The following GOLGB1 variants were observed in gnomAD, a reference collection of about 807,000 sequenced individuals.
GOLGB1 encodes golgin B1.
In GOLGB1, 174 loss-of-function variants were observed where a neutral mutation model predicts 336.9. The ratio of observed to expected loss-of-function variants is 0.52; its 90% CI spans 0.46 to 0.59. The LOEUF (loss-of-function observed/expected upper bound fraction) is 0.59. Ranked by LOEUF, GOLGB1 falls within the 20% of genes least tolerant of loss-of-function variation. GOLGB1 has a pLI of 0.00. For missense variants in GOLGB1, 3,331 were observed against 3,645.3 expected, an observed-to-expected ratio of 0.91 and a Z score of 2.22; for synonymous variants, 1,208 against 1,289.2, an observed-to-expected ratio of 0.94 and a Z score of 1.35.
Position 121,691,570 on chromosome 3 carries a change from T to C in GOLGB1, c.7794A>G (p.Leu2598=), listed in dbSNP as rs114015870. ...NEDLRRSFNA[L]QEEKQDLSKE... is the part of the protein sequence containing the mutation. ...TAGATAAATCTTGTTTCTCTTCTTG[T>C]AGGGCATTAAAGGACCTCCGCAGAT... The change falls in exon 14 of 22, where the codon CTA becomes CTG. Residue 2598 remains leucine, a synonymous_variant. Coordinates refer to ENST00000614479, the MANE Select transcript of GOLGB1 (RefSeq NM_001366282.2). 1.9e-6 allele frequency: 3 copies of C among 1,613,628 alleles called. No individual in the cohort carries two copies. Among genetic ancestry groups the C allele is most frequent in the African/African-American group, 2.7e-5 (2 of 74,994 alleles).
In GOLGB1 at chr3:121,696,459, C is replaced by A. The variant is rs2107842450; in HGVS notation, c.4064G>T (p.Gly1355Val). Residue 1355 changes from glycine to valine, a missense_variant, in exon 13 of 22, where the codon GGT becomes GTT. Transcript: ENST00000614479. ...TGTCTTTAGACTCTCGATTTCTAAA[C>A]CCTGTTTATTTATCTGCTCTTGTAA... ...FQLQEQINKQGLEIESLKTVS... is the reference protein window; with the variant it reads ...FQLQEQINKQVLEIESLKTVS... 1 of 1,613,978 alleles carries A rather than the reference C, an allele frequency of 6.2e-7. No individual in the cohort carries two copies.
intron 5 of GOLGB1, 127 bp downstream of exon 5, chr3:121,726,786 G>T: frequency 1.8e-6 from 1 of 540,556 alleles, no homozygotes; most frequent in Non-Finnish European, 3.1e-6. Context: ...ATGAAGAAAA[G>T]AAGGAGACTG....
chr3:121,729,921 T>C lies in GOLGB1; in HGVS notation c.193A>G (p.Lys65Glu), dbSNP rs777012085. Residue 65 changes from lysine (K) to glutamate (E), a missense_variant, in exon 3 of 22, where the codon AAA (lysine) becomes GAA (glutamate). Physicochemically the swap from Lys to Glu is moderately conservative, Grantham distance 56. Coordinates refer to ENST00000614479, the MANE Select transcript of GOLGB1 (RefSeq NM_001366282.2). ...AYAEQLVVEL[K>E]DIIRQKDVQL... ...ACATCCTTCTGTCTAATAATATCTTTTAGCTCCACCACCAATTGCTCTGCA... is the reference window on the plus strand; with the variant it reads ...ACATCCTTCTGTCTAATAATATCTTCTAGCTCCACCACCAATTGCTCTGCA... The C allele has an allele frequency of 6.2e-7, 1 of 1,611,788 alleles. No individual in the cohort carries two copies. Among genetic ancestry groups the C allele is most frequent in the South Asian group, 1.1e-5 (1 of 91,022 alleles).
At position 121,664,487 on chromosome 3, in the gene GOLGB1, T is replaced by C; in HGVS notation, c.9788A>G (p.His3263Arg). 4 of 1,613,754 alleles carry C rather than the reference T, an allele frequency of 2.5e-6. No homozygotes were observed. The highest frequency in any genetic ancestry group is 3.4e-6 in the Non-Finnish European group (4 of 1,179,728). ...AAAGAGTAACAACTAAGTCTATAGATGGCCCGTAAAACACAGAATGAGCAG... is the reference window on the plus strand; with the variant it reads ...AAAGAGTAACAACTAAGTCTATAGACGGCCCGTAAAACACAGAATGAGCAG... ...HVLLILCFTG[H>R]L Residue 3263 changes from histidine to arginine, a missense_variant, in exon 22 of 22, where the codon CAT becomes CGT. Coordinates refer to ENST00000614479, the MANE Select transcript of GOLGB1 (RefSeq NM_001366282.2).
At position 121,714,879 on chromosome 3, in the gene GOLGB1, A is replaced by G. The variant is rs1944633282; in HGVS notation, c.1386T>C (p.Val462=). The change falls in exon 10 of 22, where the codon GTT becomes GTC. Residue 462 remains valine, a synonymous_variant. Transcript: ENST00000614479. The part of the protein sequence containing the change: ...ETASQTSFPD[V]YNEGTQAVTE... ...TAATTACCTGTGTGCCCTCATTATAAACATCTGGGAAAGAAGTCTGAGATG... is the reference window on the plus strand; with the variant it reads ...TAATTACCTGTGTGCCCTCATTATAGACATCTGGGAAAGAAGTCTGAGATG... The G allele has an allele frequency of 1.2e-6, 2 of 1,601,330 alleles. No individual in the cohort carries two copies. The highest frequency in any genetic ancestry group is 3.3e-5 in the Admixed American group (2 of 59,978).
chr3:121,730,234 T>C, intron 2 of GOLGB1: 1 of 401,482 alleles, frequency 2.5e-6, no homozygotes, highest in East Asian at 4.0e-5. Flanking sequence ...CCATTTAAGG[T>C]ATTATTATCC....
At chr3:121,712,548 T>C (rs1453281740) in intron 10 of GOLGB1, among the ~76,000 whole-genome samples, 1 of 152,122 alleles carries the variant, frequency 6.6e-6, no homozygotes, top group African/African-American at 2.4e-5. Context: ...GGAGAAAATA[T>C]TCACCAAACA....
At chr3:121,731,004 A>C (rs767675386) in intron 1 of GOLGB1, 31 bp from the exon 2 acceptor site, 4 of 1,599,840 alleles carry the variant, frequency 2.5e-6, no homozygotes, top group Middle Eastern at 1.7e-4. Context: ...AAAAAACCTA[A>C]GAATCAGCAA....
chr3:121,717,486 G>T (rs1944871657), intron 8 of GOLGB1, among the ~76,000 whole-genome samples: 1 of 152,138 alleles, frequency 6.6e-6, no homozygotes, highest in African/African-American at 2.4e-5. Context: ...GACACAGAAA[G>T]GAGCAAGGGT....
Position 121,698,485 on chromosome 3 carries a change from C to T in GOLGB1, c.2038G>A (p.Val680Ile). Residue 680 changes from valine to isoleucine, a missense_variant, in exon 13 of 22, where the codon GTA becomes ATA. By Grantham distance (29) the Val-to-Ile change is conservative. Transcript: ENST00000614479. ...TGATGACACTGACCAATATCTGGTACAGCAGAAAGGGATTTATCACCATCC... is the reference window on the plus strand; with the variant it reads ...TGATGACACTGACCAATATCTGGTATAGCAGAAAGGGATTTATCACCATCC... ...KQDGDKSLSA[V>I]PDIGQCHQDE... 1 of 1,613,350 alleles carries T rather than the reference C, an allele frequency of 6.2e-7. No homozygotes were observed. The highest frequency in any genetic ancestry group is 8.5e-7 in the Non-Finnish European group (1 of 1,179,378).
chr3:121,697,243 G>T lies in GOLGB1; in HGVS notation c.3280C>A (p.Gln1094Lys). ...DLEEKLAAEEQFQALVKQMNQ... is the reference protein window; with the variant it reads ...DLEEKLAAEEKFQALVKQMNQ... ...ATCTGTTTGACCAGAGCCTGGAATT[G>T]CTCTTCAGCTGCCAGCTTTTCTTCC... is the stretch of plus-strand genomic sequence containing the variant. Residue 1094 changes from glutamine to lysine, a missense_variant, in exon 13 of 22, where the codon CAA (glutamine) becomes AAA (lysine). Physicochemically the swap from Gln to Lys is moderately conservative, Grantham distance 53. Coordinates refer to ENST00000614479, the MANE Select transcript of GOLGB1 (RefSeq NM_001366282.2). 6.2e-7 allele frequency: 1 copy of T among 1,614,080 alleles called. No homozygotes were observed. Among genetic ancestry groups the T allele is most frequent in the South Asian group, 1.1e-5 (1 of 91,076 alleles).
At chr3:121,725,885 C>G (rs72955401) in intron 5 of GOLGB1, among the ~76,000 whole-genome samples, 2,983 of 151,974 alleles carry the variant, frequency 0.02, 108 homozygotes, top group African/African-American at 0.068. Flanking sequence ...ACTTGCGCTG[C>G]CTTGCGACAC....
chr3:121,728,234 A>C (rs916642770), intron 4 of GOLGB1, among the ~76,000 whole-genome samples: 4 of 152,162 alleles, frequency 2.6e-5, no homozygotes, highest in African/African-American at 9.7e-5. Context: ...CAATTCAGGG[A>C]AAGTAATGTT....
In GOLGB1 at chr3:121,694,438, G is replaced by A. The variant is rs751684275; in HGVS notation, c.6085C>T (p.Leu2029=). 2 of 1,613,220 alleles carry A rather than the reference G, an allele frequency of 1.2e-6. No homozygotes were observed. Among genetic ancestry groups the A allele is most frequent in the Non-Finnish European group, 1.7e-6 (2 of 1,179,646 alleles). Residue 2029 remains leucine, a synonymous_variant, in exon 13 of 22, where the codon CTA becomes TTA. Coordinates refer to ENST00000614479, the MANE Select transcript of GOLGB1 (RefSeq NM_001366282.2). ...LKEKQQEVKQ[L]QKDCIRYQEK... is the part of the protein sequence containing the mutation. The stretch of plus-strand genomic sequence containing the variant: ...TGATACCTGATGCAGTCCTTCTGTA[G>A]CTGCTTTACTTCTTGTTGTTTTTCT...
Position 121,716,971 on chromosome 3 carries a change from C to T in GOLGB1, c.1054G>A (p.Glu352Lys), listed in dbSNP as rs1490652747. The T allele has an allele frequency of 6.2e-7, 1 of 1,613,998 alleles. No individual in the cohort carries two copies. Among genetic ancestry groups the T allele is most frequent in the Admixed American group, 1.7e-5 (1 of 60,004 alleles). Residue 352 changes from glutamate (E) to lysine (K), a missense_variant, in exon 9 of 22, where the codon GAA (glutamate) becomes AAA (lysine). Transcript: ENST00000614479. ...NLQEEMHHLL[E>K]QFEQAGQAQA... ...GCTTGGCCTGCTTGCTCAAACTGTTCTAAAAGATGATGCATTTCTTCCTGC... is the reference window on the plus strand; with the variant it reads ...GCTTGGCCTGCTTGCTCAAACTGTTTTAAAAGATGATGCATTTCTTCCTGC...
At chr3:121,687,090 T>C (rs558456238) in intron 14 of GOLGB1, among the ~76,000 whole-genome samples, 5 of 152,128 alleles carry the variant, frequency 3.3e-5, no homozygotes, top group Non-Finnish European at 7.3e-5. Flanking sequence ...CTGGCCAATA[T>C]GGTGAAACCC....
chr3:121,719,310 C>G (rs1207228565), intron 7 of GOLGB1, among the ~76,000 whole-genome samples: 1 of 152,092 alleles, frequency 6.6e-6, no homozygotes, highest in Non-Finnish European at 1.5e-5. Context: ...ATATTTAAAA[C>G]TGACTTCATT....
chr3:121,735,233 T>A (rs996397330), intron 1 of GOLGB1, among the ~76,000 whole-genome samples: 18 of 152,190 alleles, frequency 1.2e-4, no homozygotes, highest in Non-Finnish European at 1.5e-5. Flanking sequence ...CATATGCATT[T>A]GTCAAAACTC....
At chr3:121,682,025 G>A (rs1465151457) in intron 14 of GOLGB1, among the ~76,000 whole-genome samples, 160 bp from the exon 15 acceptor site, 1 of 152,200 alleles carries the variant, frequency 6.6e-6, no homozygotes, top group East Asian at 1.9e-4. Context: ...CTCTAAAGTA[G>A]TGAAATACAT....
Sources: gnomAD v4.1 joint callset for allele counts (sites outside exome capture counted in the v4.1 genomes callset) on GRCh38, gnomAD v4.1.1 for gene constraint, MANE v1.5 for transcripts, NCBI Gene and HGNC (gene_info 2026-07-23, HGNC 2026-07-21) for gene names.